Variants in MED23 observed in about 807,000 individuals in gnomAD.
MED23 encodes the protein mediator complex subunit 23, also known as mediator of RNA polymerase II transcription subunit 23.
In MED23, 105 loss-of-function variants were observed where a neutral mutation model predicts 163.9. That is an observed-to-expected ratio of 0.64 (90% CI 0.55 to 0.75). MED23 has a LOEUF of 0.75. Among genes scored for constraint, MED23 ranks in the 30% least tolerant of loss-of-function variants. MED23 has a pLI of 0.00. For synonymous variants in MED23, 561 were observed against 565.6 expected (o/e 0.99, Z 0.12); for missense variants, 1,054 against 1,649.0 (o/e 0.64, Z 6.25).
intron 12 of MED23, 53 bp from the exon 13 acceptor site, chr6:131,606,677 ATAAT>A: frequency 7.0e-7 from 1 of 1,419,168 alleles, no homozygotes; most frequent in Non-Finnish European, 9.8e-7. Flanking sequence ...GAAGAATTAA[ATAAT>A]TATGTGTATT....
chr6:131,575,099 G>A (rs1773551455), intron 30 of MED23, among the ~76,000 whole-genome samples: 1 of 152,192 alleles, frequency 6.6e-6, no homozygotes. Context: ...GCCCAATCAT[G>A]AGAAGCCATT....
Position 131,618,499 on chromosome 6 carries a change from C to A in MED23, c.688G>T (p.Val230Phe). ...CAAATGGCACCCGAATTATTTACAACTGGCAGAAGACTACAGCGACCTGTA... is the reference window on the plus strand; with the variant it reads ...CAAATGGCACCCGAATTATTTACAAATGGCAGAAGACTACAGCGACCTGTA... ...SICGRCSLLPVVNNSGAICNS... is the reference protein window; with the variant it reads ...SICGRCSLLPFVNNSGAICNS... The change falls in exon 9 of 29, where the codon GTT becomes TTT. Residue 230 changes from valine (V) to phenylalanine (F), a missense_variant. Around this residue, in one of 11 missense-constraint regions of MED23, gnomAD observed 54 missense variants for 79.7 expected, o/e 0.68. Coordinates refer to ENST00000368068, the MANE Select transcript of MED23 (RefSeq NM_004830.4). 1 of 1,613,822 alleles carries A rather than the reference C, an allele frequency of 6.2e-7. No individual in the cohort carries two copies. Among genetic ancestry groups the A allele is most frequent in the Non-Finnish European group, 8.5e-7 (1 of 1,179,784 alleles).
chr6:131,613,025 GAA>G (rs1776393393), intron 10 of MED23, among the ~76,000 whole-genome samples: 1 of 152,062 alleles, frequency 6.6e-6, no homozygotes, highest in Non-Finnish European at 1.5e-5. Flanking sequence ...AAGTTGGGAA[GAA>G]AAATTCTTTT....
intron 27 of MED23, among the ~76,000 whole-genome samples, chr6:131,589,893 T>C (rs1253365435): frequency 6.6e-6 from 1 of 152,346 alleles, no homozygotes; most frequent in East Asian, 1.9e-4. Flanking sequence ...CATCTCTCGA[T>C]GTCTGGGATA....
chr6:131,624,962 T>C lies in MED23; in HGVS notation c.187A>G (p.Ile63Val), dbSNP rs1173679606. Residue 63 changes from isoleucine to valine, a missense_variant, in exon 4 of 29, where the codon ATT becomes GTT. This residue lies in a region of MED23 where 227 missense variants were observed against 235.5 expected (regional missense o/e 0.96). Coordinates refer to ENST00000368068, the MANE Select transcript of MED23 (RefSeq NM_004830.4). ...TGCTGACCATGAATAAACTTAACAA[T>C]CCACTGGATACACTGTTCATGAGAC... is the stretch of plus-strand genomic sequence containing the variant. ...QESHEQCIQW[I>V]VKFIHGQHSP... 4.3e-6 allele frequency: 7 copies of C among 1,613,688 alleles called. No individual in the cohort carries two copies. Among genetic ancestry groups the C allele is most frequent in the Non-Finnish European group, 5.9e-6 (7 of 1,179,878 alleles).
At chr6:131,574,974 A>G (rs1231283170) in intron 30 of MED23, among the ~76,000 whole-genome samples, 1 of 152,174 alleles carries the variant, frequency 6.6e-6, no homozygotes, top group Non-Finnish European at 1.5e-5. Context: ...CAGACTATTC[A>G]ACTCCAAAGG....
chr6:131,624,835 C>T (rs763544323), intron 4 of MED23, 30 bp downstream of exon 4: 11 of 1,612,602 alleles, frequency 6.8e-6, no homozygotes, highest in Non-Finnish European at 8.5e-6. Flanking sequence ...AAAGAAAATT[C>T]TTCAGATTGC....
rs142107090 is a variant in MED23, at chr6:131,579,221, G to A, written c.4096-4926C>T. On this transcript the variant is annotated intron_variant, in intron 30 of 30. Coordinates refer to the MED23 transcript ENST00000354577. Reference sequence around the variant, plus strand: ...TGTGGGAAAAGCAAGCGAGCAGCTGGCTGGCAAGGTGGCAGAAGTCAAGAA... The same window carrying A: ...TGTGGGAAAAGCAAGCGAGCAGCTGACTGGCAAGGTGGCAGAAGTCAAGAA... 9 of 1,614,168 alleles carry A rather than the reference G, an allele frequency of 5.6e-6. No homozygotes were observed. Among genetic ancestry groups the A allele is most frequent in the Non-Finnish European group, 7.6e-6 (9 of 1,180,034 alleles).
intron 22 of MED23, 143 bp from the exon 23 acceptor site, chr6:131,594,478 G>A (rs1423030930): frequency 6.7e-6 from 5 of 742,406 alleles, no homozygotes; most frequent in Non-Finnish European, 1.2e-5. Flanking sequence ...TGTATACTAT[G>A]AATATTTTAA....
chr6:131,578,915 C>A (rs1308021626), intron 30 of MED23, among the ~76,000 whole-genome samples: 1 of 152,084 alleles, frequency 6.6e-6, no homozygotes, highest in Non-Finnish European at 1.5e-5. Context: ...ACAGCCGCAC[C>A]AGTGTGTGAT....
At chr6:131,579,721 A>G (rs924183877) in intron 30 of MED23, 1 of 159,092 alleles carries the variant, frequency 6.3e-6, no homozygotes, top group Non-Finnish European at 1.4e-5. Flanking sequence ...ACAAGAAAAA[A>G]AATGTGGTAA....
chr6:131,605,119 CTTT>C, intron 14 of MED23, 118 bp downstream of exon 14: 2 of 1,057,898 alleles, frequency 1.9e-6, no homozygotes, highest in South Asian at 1.6e-5. Context: ...ATAAAGCTAA[CTTT>C]TTTTTCTCAA....
Position 131,598,930 on chromosome 6 carries a change from T to G in MED23, c.2221-169A>C, listed in dbSNP as rs964104489. 6.6e-6 allele frequency among the ~76,000 whole-genome samples: 1 copy of G among 152,188 alleles called. No homozygotes were observed. The highest frequency in any genetic ancestry group is 1.5e-5 in the Non-Finnish European group (1 of 68,032). ...TCTGTGTCTGGAAAATACATAAGCTTGACTAGATTATCTCCAAGATTCCTT... is the reference window on the plus strand; with the variant it reads ...TCTGTGTCTGGAAAATACATAAGCTGGACTAGATTATCTCCAAGATTCCTT... On this transcript the variant is annotated intron_variant, in intron 18 of 28. Transcript: ENST00000368068. The surrounding 1 kb of genome is among the most constrained non-coding windows in gnomAD (Gnocchi z 4.7).
chr6:131,594,137 T>C lies in MED23; in HGVS notation c.3194A>G (p.Asp1065Gly). 1 of 1,614,158 alleles carries C rather than the reference T, an allele frequency of 6.2e-7. No individual in the cohort carries two copies. Among genetic ancestry groups the C allele is most frequent in the African/African-American group, 1.3e-5 (1 of 75,038 alleles). ...AREENPWVPD[D>G]TYYCRLIGRL... is the part of the protein sequence containing the mutation. ...GCCAATCAATCTGCAATAGTAGGTG[T>C]CATCTGGAACCCAAGGATTTTCCTC... Residue 1065 changes from aspartate (D) to glycine (G), a missense_variant, in exon 23 of 29, where the codon GAC (aspartate) becomes GGC (glycine). Around this residue, in one of 11 missense-constraint regions of MED23, gnomAD observed 362 missense variants for 471.6 expected, o/e 0.77. Coordinates refer to ENST00000368068, the MANE Select transcript of MED23 (RefSeq NM_004830.4).
chr6:131,580,558 T>C (rs1199842681), intron 30 of MED23, among the ~76,000 whole-genome samples: 3 of 152,204 alleles, frequency 2.0e-5, no homozygotes, highest in Non-Finnish European at 4.4e-5. Flanking sequence ...ATCCTAACTT[T>C]TAACTTCTGT....
In MED23 at chr6:131,627,483, G is replaced by A; in HGVS notation, c.72C>T (p.Gly24=). ...CATCTTCAGGAGTATCCATAAACAT[G>A]CTAAAAAAATAAAAATTACATTATT... The part of the protein sequence containing the change: ...KTEVIEEAFP[G]MFMDTPEDEK... The change falls in exon 3 of 29, where the codon GGC becomes GGT. Residue 24 remains glycine, a splice_region_variant and synonymous_variant. Coordinates refer to ENST00000368068, the MANE Select transcript of MED23 (RefSeq NM_004830.4). 1.9e-6 allele frequency: 3 copies of A among 1,611,846 alleles called. No individual in the cohort carries two copies. Among genetic ancestry groups the A allele is most frequent in the South Asian group, 1.1e-5 (1 of 90,988 alleles).
chr6:131,595,982 A>G lies in MED23; in HGVS notation c.2960T>C (p.Leu987Pro). Residue 987 changes from leucine (L) to proline (P), a missense_variant, in exon 22 of 29, where the codon CTA becomes CCA. By Grantham distance (98) the Leu-to-Pro change is moderately conservative. Around this residue, in one of 11 missense-constraint regions of MED23, gnomAD observed 228 missense variants for 461.3 expected, o/e 0.49. Transcript: ENST00000368068. ...LLPVSKSLET[L>P]LDHLGGLYKF... ...ATATAAGCCTCCTAGATGATCCAGT[A>G]GAGTCTCCAGTGATTTGGATACCGG... 6.2e-7 allele frequency: 1 copy of G among 1,614,056 alleles called. No individual in the cohort carries two copies. The highest frequency in any genetic ancestry group is 8.5e-7 in the Non-Finnish European group (1 of 1,179,920).
At chr6:131,608,207 G>T in intron 11 of MED23, 136 bp from the exon 12 acceptor site, 1 of 882,790 alleles carries the variant, frequency 1.1e-6, no homozygotes, top group East Asian at 2.6e-5. Context: ...ATCTAACTTT[G>T]GCACTTAGTA....
At chr6:131,601,098 G>C (rs908307457) in intron 17 of MED23, among the ~76,000 whole-genome samples, 10 of 151,802 alleles carry the variant, frequency 6.6e-5, no homozygotes, top group African/African-American at 2.4e-4. Flanking sequence ...ACTATAGCTA[G>C]CTAGACTTAC....
Sources: allele counts gnomAD v4.1 joint callset (sites outside exome capture counted in the v4.1 genomes callset), GRCh38; gene constraint gnomAD v4.1.1; regional missense constraint gnomAD v4.1.1; non-coding constraint Gnocchi (gnomAD v3.1); transcripts MANE v1.5; gene names NCBI Gene and HGNC (gene_info 2026-07-23, HGNC 2026-07-21).